The following SLC33A1 variants were observed in gnomAD, a reference collection of about 807,000 sequenced individuals.
The protein encoded by SLC33A1 is acetyl-coenzyme A transporter 1.
Under a neutral mutation model 50.0 loss-of-function variants are expected in SLC33A1, and 20 were observed. The observed-to-expected ratio is 0.40, with a 90% CI of 0.28 to 0.58. The LOEUF (loss-of-function observed/expected upper bound fraction) is 0.58, where lower values mean the gene tolerates loss of function less well. Ranked by LOEUF, SLC33A1 falls within the 20% of genes least tolerant of loss-of-function variation. The probability of loss-of-function intolerance (pLI) is 0.44; values close to 1 mark genes in which losing one functional copy is unlikely to be tolerated. For synonymous variants in SLC33A1, 265 were observed against 251.8 expected (o/e 1.05, Z -0.50); for missense variants, 476 against 657.0 (o/e 0.72, Z 3.01).
At chr3:155,831,566 T>G (rs1180009219) in intron 4 of SLC33A1, among the ~76,000 whole-genome samples, 1 of 151,936 alleles carries the variant, frequency 6.6e-6, no homozygotes, top group Non-Finnish European at 1.5e-5. Flanking sequence ...TTATTTGGTC[T>G]TGTACCTTTT....
chr3:155,841,283 C>G (rs1752923436), intron 2 of SLC33A1, among the ~76,000 whole-genome samples: 1 of 152,024 alleles, frequency 6.6e-6, no homozygotes, highest in Non-Finnish European at 1.5e-5. Context: ...AACTCCTGAG[C>G]TCAAGAGATC....
intron 1 of SLC33A1, 61 bp downstream of exon 1, chr3:155,853,162 C>A (rs1753479621): frequency 7.0e-7 from 1 of 1,435,486 alleles, no homozygotes. Context: ...TTCCCTCCAA[C>A]GTCACACACT....
rs757561139 is a variant in SLC33A1 at position 155,828,189 on chromosome 3, G to A, written c.*21C>T. 36 of 1,554,052 alleles carry A rather than the reference G, an allele frequency of 2.3e-5. No individual in the cohort carries two copies. In the East Asian group the frequency reaches 7.9e-4, roughly 34 times the overall value. On this transcript the variant is annotated 3_prime_UTR_variant, in exon 6 of 6. Coordinates refer to ENST00000643144, the MANE Select transcript of SLC33A1 (RefSeq NM_004733.4). ...AAACTAAACTACAATTACCTTGCTA[G>A]AATGTCCAGTAGCATATATATTAAT...
intron 1 of SLC33A1, among the ~76,000 whole-genome samples, chr3:155,850,375 AT>A (rs1352792810): frequency 6.6e-6 from 1 of 152,124 alleles, no homozygotes; most frequent in Non-Finnish European, 1.5e-5. Context: ...ACCACAGAGG[AT>A]TAAGGAGATG....
At chr3:155,828,398 T>A (rs750642690) in intron 5 of SLC33A1, 21 bp from the exon 6 acceptor site, 2 of 1,458,620 alleles carry the variant, frequency 1.4e-6, no homozygotes, top group Admixed American at 3.3e-5. Flanking sequence ...AAAACTATAA[T>A]AAATACTCCA....
At position 155,822,237 on chromosome 3, in the gene SLC33A1, T is replaced by C. The variant is rs1752103854; in HGVS notation, c.*5973A>G. 6.6e-6 allele frequency: 1 copy of C among 152,212 alleles called. No homozygotes were observed. The highest frequency in any genetic ancestry group is 2.1e-4 in the South Asian group (1 of 4,834). 9.4% of individuals were successfully genotyped at this position (152,212 alleles called of 1,614,324 possible). A position where few individuals can be genotyped will look rare whatever the true frequency, so the allele number is the denominator to read the frequency against. On this transcript the variant is annotated 3_prime_UTR_variant, in exon 6 of 6. Transcript: ENST00000643144. ...CAAGGAAAATAAGAATAGGCTTTAA[T>C]ATTTACATTAGTGATTGATTAATTG...
intron 2 of SLC33A1, among the ~76,000 whole-genome samples, chr3:155,841,227 A>C (rs1321105031): frequency 6.6e-6 from 1 of 151,850 alleles, no homozygotes; most frequent in Non-Finnish European, 1.5e-5. Context: ...CACCATACCC[A>C]GATAGTTTTT....
rs748924826 is a variant in SLC33A1 at position 155,853,492 on chromosome 3, G to A, written c.506C>T (p.Thr169Ile). The part of the protein sequence containing the change: ...STQVDRLLGN[T>I]DDRTPDVIAL... Reference sequence around the variant, plus strand: ...AATCACGTCGGGTGTTCTGTCATCGGTATTCCCAAGCAAACGGTCCACCTG... The same window carrying A: ...AATCACGTCGGGTGTTCTGTCATCGATATTCCCAAGCAAACGGTCCACCTG... Residue 169 changes from threonine to isoleucine, a missense_variant, in exon 1 of 6, where the codon ACC becomes ATC. Transcript: ENST00000643144. 1.2e-6 allele frequency: 2 copies of A among 1,613,938 alleles called. No homozygotes were observed. The highest frequency in any genetic ancestry group is 2.2e-5 in the East Asian group (1 of 44,886).
At chr3:155,838,007 A>T (rs951805734) in intron 2 of SLC33A1, among the ~76,000 whole-genome samples, 11 of 152,214 alleles carry the variant, frequency 7.2e-5, no homozygotes, top group Non-Finnish European at 1.0e-4. Flanking sequence ...TGCCTGCTTA[A>T]TAATCTATTG....
chr3:155,829,064 G>A (rs1290544880), intron 5 of SLC33A1, among the ~76,000 whole-genome samples: 1 of 151,828 alleles, frequency 6.6e-6, no homozygotes, highest in African/African-American at 2.4e-5. Flanking sequence ...ACCCCGCCCG[G>A]CTAATTTTTT....
intron 2 of SLC33A1, among the ~76,000 whole-genome samples, chr3:155,837,355 CAAA>C (rs370005455): frequency 2.9e-5 from 2 of 69,376 alleles, no homozygotes; most frequent in African/African-American, 4.8e-5. Context: ...GACTCCGTCT[CAAA>C]AAAAAAAAAA....
Position 155,853,770 on chromosome 3 carries a change from C to G in SLC33A1, c.228G>C (p.Leu76Phe). 6.2e-7 allele frequency: 1 copy of G among 1,613,922 alleles called. No individual in the cohort carries two copies. The highest frequency in any genetic ancestry group is 2.2e-5 in the East Asian group (1 of 44,884). ...GAAGCACGTAAAGAAAGAGTAGTAG[C>G]AAAATGCTGCTTAGTTCGGCCCGGA... ...QSFRAELSSI[L>F]LLLFLYVLQG... The change falls in exon 1 of 6, where the codon TTG (leucine) becomes TTC (phenylalanine). Residue 76 changes from leucine (L) to phenylalanine (F), a missense_variant. By Grantham distance (22) the Leu-to-Phe change is conservative. Transcript: ENST00000643144.
chr3:155,847,790 T>C (rs1055268336), intron 1 of SLC33A1, among the ~76,000 whole-genome samples: 21 of 145,760 alleles, frequency 1.4e-4, no homozygotes, highest in African/African-American at 5.6e-4. Flanking sequence ...AAATAAAGCA[T>C]CAATGTCTTA....
intron 2 of SLC33A1, among the ~76,000 whole-genome samples, chr3:155,841,932 G>T (rs909239634): frequency 3.3e-5 from 5 of 151,792 alleles, no homozygotes; most frequent in African/African-American, 1.2e-4. Flanking sequence ...ATTTTTAGTA[G>T]AGACAAGGTT....
chr3:155,833,444 C>T (rs1405393989), intron 4 of SLC33A1, 24 bp downstream of exon 4: 1 of 1,083,510 alleles, frequency 9.2e-7, no homozygotes, highest in African/African-American at 1.5e-5. Context: ...AGTTTATTTC[C>T]TGAGAAAACC....
At chr3:155,832,844 AG>A (rs1398909523) in intron 4 of SLC33A1, among the ~76,000 whole-genome samples, 1 of 152,028 alleles carries the variant, frequency 6.6e-6, no homozygotes, top group Non-Finnish European at 1.5e-5. Flanking sequence ...ACTGAAACCT[AG>A]GGATAAACTG....
intron 2 of SLC33A1, among the ~76,000 whole-genome samples, chr3:155,840,472 A>G (rs1681559955): frequency 6.6e-6 from 1 of 151,770 alleles, no homozygotes; most frequent in African/African-American, 2.4e-5. Context: ...ACCTGAGGTC[A>G]GTAGTTCAAG....
chr3:155,849,924 T>C (rs1040158588), intron 1 of SLC33A1, among the ~76,000 whole-genome samples: 1 of 111,970 alleles, frequency 8.9e-6, no homozygotes, highest in Non-Finnish European at 1.6e-5. Flanking sequence ...ATAATAATAA[T>C]AATAATAATA....
At chr3:155,850,085 T>C (rs1753340442) in intron 1 of SLC33A1, among the ~76,000 whole-genome samples, 1 of 151,644 alleles carries the variant, frequency 6.6e-6, no homozygotes, top group Non-Finnish European at 1.5e-5. Flanking sequence ...CTCAGCTCAC[T>C]GCAACCTCCG....
Sources: gnomAD v4.1 joint callset for allele counts (sites outside exome capture counted in the v4.1 genomes callset) on GRCh38, gnomAD v4.1.1 for gene constraint, MANE v1.5 for transcripts, NCBI Gene and HGNC (gene_info 2026-07-23, HGNC 2026-07-21) for gene names.